The following ZNG1C variants were observed in gnomAD, a reference collection of about 807,000 sequenced individuals.
ZNG1C encodes the protein Zn regulated GTPase metalloprotein activator 1C, also known as zinc-regulated GTPase metalloprotein activator 1C.
chr9:68,285,198 A>G, the ZNG1C span: 50 of 11,936 alleles, frequency 4.2e-3, 2 homozygotes, highest in African/African-American at 7.7e-3. Flanking sequence ...CATTCTCCCT[A>G]CTAGGACCCC....
the ZNG1C span, among the ~76,000 whole-genome samples, chr9:68,268,385 G>C: frequency 8.2e-3 from 1,234 of 151,284 alleles, no homozygotes; most frequent in East Asian, 0.029. Context: ...CAGGCATAAC[G>C]GGTAGAGAGC....
At chr9:68,281,350 T>G in the ZNG1C span, among the ~76,000 whole-genome samples, 3 of 151,308 alleles carry the variant, frequency 2.0e-5, no homozygotes, top group South Asian at 6.3e-4. Flanking sequence ...TTCGGCCATC[T>G]TGGCTCCTCT....
At chr9:68,266,711 C>G in the ZNG1C span, among the ~76,000 whole-genome samples, 4 of 120,886 alleles carry the variant, frequency 3.3e-5, no homozygotes, top group African/African-American at 7.3e-5. Flanking sequence ...CTTTCTTGTT[C>G]TGTTTTTTTT....
chr9:68,259,989 T>TA, the ZNG1C span, among the ~76,000 whole-genome samples: 3 of 149,488 alleles, frequency 2.0e-5, no homozygotes, highest in South Asian at 6.3e-4. Context: ...TTTTAGAGTT[T>TA]AAAATCTCAA....
chr9:68,287,468 A>G, the ZNG1C span, among the ~76,000 whole-genome samples: 1 of 152,242 alleles, frequency 6.6e-6, no homozygotes, highest in Non-Finnish European at 1.5e-5. Flanking sequence ...CCTTGTATGC[A>G]TCACCCAGTT....
At chr9:68,294,087 C>G in the ZNG1C span, among the ~76,000 whole-genome samples, 1 of 151,954 alleles carries the variant, frequency 6.6e-6, no homozygotes, top group Admixed American at 6.6e-5. Context: ...ATCTTTGGGT[C>G]AAAGATGAAA....
the ZNG1C span, among the ~76,000 whole-genome samples, chr9:68,256,576 G>A: frequency 3.0e-5 from 3 of 101,262 alleles, no homozygotes; most frequent in Non-Finnish European, 3.9e-5. Flanking sequence ...ATAAAAATAA[G>A]TCTGATGTGC....
the ZNG1C span, among the ~76,000 whole-genome samples, chr9:68,288,463 T>G: frequency 1.3e-5 from 2 of 152,232 alleles, no homozygotes; most frequent in Non-Finnish European, 2.9e-5. Flanking sequence ...TTTTTGTTTT[T>G]GTTTTTTTGG....
At chr9:68,281,353 GCTCCTCT>G in the ZNG1C span, among the ~76,000 whole-genome samples, 3 of 150,962 alleles carry the variant, frequency 2.0e-5, no homozygotes, top group Non-Finnish European at 4.4e-5. Flanking sequence ...GGCCATCTTG[GCTCCTCT>G]CTCCTCTCTT....
At chr9:68,280,096 G>A in the ZNG1C span, among the ~76,000 whole-genome samples, 22 of 125,944 alleles carry the variant, frequency 1.7e-4, no homozygotes, top group Admixed American at 4.1e-4. Context: ...CCAGTTGATC[G>A]CATCGGCTCC....
the ZNG1C span, among the ~76,000 whole-genome samples, chr9:68,268,629 G>T: frequency 1.3e-5 from 2 of 152,238 alleles, no homozygotes; most frequent in Non-Finnish European, 2.9e-5. Context: ...ATTTATGAAT[G>T]ATTTTTTCTA....
the ZNG1C span, among the ~76,000 whole-genome samples, chr9:68,289,855 A>C: frequency 1.6e-3 from 208 of 126,754 alleles, no homozygotes; most frequent in African/African-American, 6.4e-3. Context: ...TGGAAAAAAA[A>C]AGTCTGAAAT....
chr9:68,288,365 T>C, the ZNG1C span, among the ~76,000 whole-genome samples: 1 of 152,226 alleles, frequency 6.6e-6, no homozygotes, highest in Non-Finnish European at 1.5e-5. Flanking sequence ...GGATAGTTTT[T>C]TGTTTGTTTG....
the ZNG1C span, chr9:68,299,265 C>CT: frequency 6.7e-7 from 1 of 1,500,324 alleles, no homozygotes; most frequent in African/African-American, 1.4e-5. Context: ...CTTGTTAGGA[C>CT]TTTTGTTCTT....
At chr9:68,247,127 T>C in the ZNG1C span, among the ~76,000 whole-genome samples, 4 of 152,228 alleles carry the variant, frequency 2.6e-5, no homozygotes, top group Admixed American at 2.0e-4. Context: ...CATGGTACAC[T>C]GGCCAAAAAC....
chr9:68,255,852 G>A, the ZNG1C span, among the ~76,000 whole-genome samples: 1 of 152,234 alleles, frequency 6.6e-6, no homozygotes. Context: ...ACACTCTCCA[G>A]TTCTAAGTTA....
chr9:68,264,821 T>TTATA, the ZNG1C span, among the ~76,000 whole-genome samples: 706 of 24,900 alleles, frequency 0.028, 35 homozygotes, highest in East Asian at 0.071. Flanking sequence ...GGATTGAAGA[T>TTATA]TATATATATA....
the ZNG1C span, among the ~76,000 whole-genome samples, chr9:68,257,915 G>T: frequency 1.4e-5 from 2 of 145,314 alleles, no homozygotes; most frequent in African/African-American, 5.2e-5. Context: ...TAATATATGT[G>T]GCGGGTAACT....
the ZNG1C span, among the ~76,000 whole-genome samples, chr9:68,267,278 G>T: frequency 2.6e-5 from 4 of 151,976 alleles, no homozygotes; most frequent in Non-Finnish European, 5.9e-5. Flanking sequence ...TATTTGCCAT[G>T]ATTAATGATT....
Sources: gnomAD v4.1 joint callset for allele counts (sites outside exome capture counted in the v4.1 genomes callset) on GRCh38, gnomAD v4.1.1 for gene constraint, MANE v1.5 for transcripts, NCBI Gene and HGNC (gene_info 2026-07-23, HGNC 2026-07-21) for gene names.